The following ZNF589 variants were observed in gnomAD, a reference collection of about 807,000 sequenced individuals.
ZNF589 encodes zinc finger protein 589.
A neutral mutation model predicts 13.6 loss-of-function variants in ZNF589; 17 were observed. That is an observed-to-expected ratio of 1.25 (90% confidence interval 0.86 to 1.88). The LOEUF (loss-of-function observed/expected upper bound fraction) is 1.88, where lower values mean the gene tolerates loss of function less well. Among genes scored for constraint, ZNF589 ranks in the 40% most tolerant of loss-of-function variants. The probability of loss-of-function intolerance (pLI) is 0.00; values close to 1 mark genes in which losing one functional copy is unlikely to be tolerated. For synonymous variants in ZNF589, 148 were observed against 161.6 expected (o/e 0.92, Z 0.64); for missense variants, 407 against 434.0 (o/e 0.94, Z 0.55).
At chr3:48,242,905 AAAAAT>A (rs757965109) in intron 1 of ZNF589, among the ~76,000 whole-genome samples, 32 of 151,402 alleles carry the variant, frequency 2.1e-4, no homozygotes, top group Non-Finnish European at 3.8e-4. Context: ...TCTCTACTTT[AAAAAT>A]AAAATAAAAT....
chr3:48,252,517 G>C (rs9841553), intron 2 of ZNF589, among the ~76,000 whole-genome samples: 6,575 of 150,368 alleles, frequency 0.044, 484 homozygotes, highest in African/African-American at 0.15. Context: ...TATAAATATT[G>C]AAATCTATCA....
At chr3:48,257,254 GTTTTGTT>G (rs1450863353) in intron 2 of ZNF589, among the ~76,000 whole-genome samples, 2 of 139,092 alleles carry the variant, frequency 1.4e-5, no homozygotes, top group Admixed American at 6.9e-5. Flanking sequence ...TTTTGTTTTT[GTTTTGTT>G]TTTTGTTTTT....
rs1354380212 is a variant in ZNF589, at chr3:48,268,089, C to G, written c.398C>G (p.Ser133Cys). 2 of 1,614,094 alleles carry G rather than the reference C, an allele frequency of 1.2e-6. No homozygotes were observed. Among genetic ancestry groups the G allele is most frequent in the Non-Finnish European group, 1.7e-6 (2 of 1,180,058 alleles). Reference protein sequence around the residue: ...PEDQPQSQHPSDKNHRGAEAE... With the variant: ...PEDQPQSQHPCDKNHRGAEAE... Reference sequence around the variant, plus strand: ...GATCAGCCACAGTCACAACATCCTTCTGATAAAAATCACAGGGGGGCTGAA... The same window carrying G: ...GATCAGCCACAGTCACAACATCCTTGTGATAAAAATCACAGGGGGGCTGAA... Residue 133 changes from serine (S) to cysteine (C), a missense_variant, in exon 4 of 4, where the codon TCT becomes TGT. Ser to Cys is a moderately radical substitution (Grantham distance 112). Transcript: ENST00000354698.
intron 2 of ZNF589, among the ~76,000 whole-genome samples, chr3:48,251,441 T>A (rs991727870): frequency 4.6e-5 from 7 of 151,344 alleles, no homozygotes; most frequent in Non-Finnish European, 1.0e-4. Context: ...GTACCTGTAA[T>A]CCCAGCTACT....
At position 48,268,640 on chromosome 3, in the gene ZNF589, C is replaced by A. The variant is rs868389078; in HGVS notation, c.949C>A (p.Pro317Thr). 7.4e-6 allele frequency: 12 copies of A among 1,612,766 alleles called. No individual in the cohort carries two copies. In the South Asian group the frequency reaches 1.3e-4, roughly 18 times the overall value. Reference sequence around the variant, plus strand: ...TTGTGGGCGAGGCTTTAGCTGCAAGCCATACCTCATCAGACATCAGAGGAC... The same window carrying A: ...TTGTGGGCGAGGCTTTAGCTGCAAGACATACCTCATCAGACATCAGAGGAC... The part of the protein sequence containing the change: ...SHCGRGFSCK[P>T]YLIRHQRTHT... Residue 317 changes from proline (P) to threonine (T), a missense_variant, in exon 4 of 4, where the codon CCA becomes ACA. Transcript: ENST00000354698.
At chr3:48,247,757 G>T in intron 2 of ZNF589, 80 bp downstream of exon 2, 1 of 1,506,496 alleles carries the variant, frequency 6.6e-7, no homozygotes, top group Non-Finnish European at 9.2e-7. Flanking sequence ...TTCTTGGGAA[G>T]GGAGGAAGTG....
chr3:48,269,365 C>A lies in ZNF589; in HGVS notation c.*579C>A. ...ACTCCAAGGAAAAACCTTATGTGTG[C>A]AGCCAGTGTGGGCGAGGCTTTTGTG... On this transcript the variant is annotated 3_prime_UTR_variant, in exon 4 of 4. Transcript: ENST00000354698. 1 of 878,512 alleles carries A rather than the reference C, an allele frequency of 1.1e-6. No individual in the cohort carries two copies. The highest frequency in any genetic ancestry group is 1.7e-6 in the Non-Finnish European group (1 of 582,766). 54.4% of individuals were successfully genotyped at this position (878,512 alleles called of 1,614,324 possible). A position where few individuals can be genotyped will look rare whatever the true frequency, so the allele number is the denominator to read the frequency against.
intron 2 of ZNF589, among the ~76,000 whole-genome samples, chr3:48,255,526 G>A (rs1465420800): frequency 2.7e-5 from 3 of 110,408 alleles, no homozygotes; most frequent in South Asian, 2.9e-4. Context: ...ACAAAGTCTC[G>A]CTCTTTCTCC....
At position 48,268,635 on chromosome 3, in the gene ZNF589, G is replaced by A; in HGVS notation, c.944G>A (p.Cys315Tyr). ...AGCCATTGTGGGCGAGGCTTTAGCT[G>A]CAAGCCATACCTCATCAGACATCAG... is the stretch of plus-strand genomic sequence containing the variant. Reference protein sequence around the residue: ...VCSHCGRGFSCKPYLIRHQRT... With the variant: ...VCSHCGRGFSYKPYLIRHQRT... The change falls in exon 4 of 4, where the codon TGC becomes TAC. Residue 315 changes from cysteine to tyrosine, a missense_variant. Physicochemically the swap from Cys to Tyr is radical, Grantham distance 194. Transcript: ENST00000354698. 3 of 1,613,066 alleles carry A rather than the reference G, an allele frequency of 1.9e-6. No homozygotes were observed. The highest frequency in any genetic ancestry group is 2.5e-6 in the Non-Finnish European group (3 of 1,179,756).
Position 48,268,766 on chromosome 3 carries a change from C to A in ZNF589, c.1075C>A (p.Pro359Thr), listed in dbSNP as rs761140244. 4 of 1,613,328 alleles carry A rather than the reference C, an allele frequency of 2.5e-6. No individual in the cohort carries two copies. ...CCAGAGAATTCACACGGGGGATAAG[C>A]CTTATGTGTGCAGAGATTGAGGCCG... ...KHQRIHTGDKPYVCRD is the reference protein window; with the variant it reads ...KHQRIHTGDKTYVCRD The change falls in exon 4 of 4, where the codon CCT becomes ACT. Residue 359 changes from proline to threonine, a missense_variant. Transcript: ENST00000354698.
At chr3:48,265,271 CTTTTTTTTTTT>C (rs35060812) in intron 3 of ZNF589, among the ~76,000 whole-genome samples, 2 of 47,838 alleles carry the variant, frequency 4.2e-5, no homozygotes, top group East Asian at 5.8e-4. Flanking sequence ...TGTGCCCGGC[CTTTTTTTTTTT>C]TTTTTTTTTT....
rs752300068 is a variant in ZNF589 at position 48,268,457 on chromosome 3, G to A, written c.766G>A (p.Gly256Ser). 1 of 1,614,068 alleles carries A rather than the reference G, an allele frequency of 6.2e-7. No individual in the cohort carries two copies. Among genetic ancestry groups the A allele is most frequent in the African/African-American group, 1.3e-5 (1 of 74,918 alleles). ...QSQVCRECGR[G>S]FSRKSQLIIH... ...ACAGGTGTGCAGGGAGTGTGGGCGA[G>A]GCTTTAGCAGGAAGTCACAGCTCAT... Residue 256 changes from glycine (G) to serine (S), a missense_variant, in exon 4 of 4, where the codon GGC becomes AGC. Coordinates refer to ENST00000354698, the MANE Select transcript of ZNF589 (RefSeq NM_016089.3).
At chr3:48,250,306 C>CTTTTTTTTT (rs34016179) in intron 2 of ZNF589, among the ~76,000 whole-genome samples, 2 of 116,860 alleles carry the variant, frequency 1.7e-5, no homozygotes, top group Non-Finnish European at 1.8e-5. Flanking sequence ...TCTCTACTTT[C>CTTTTTTTTT]TTTTTTTTTT....
At chr3:48,248,195 C>G (rs529950043) in intron 2 of ZNF589, among the ~76,000 whole-genome samples, 50 of 152,140 alleles carry the variant, frequency 3.3e-4, no homozygotes, top group Non-Finnish European at 5.6e-4. Context: ...TCCAAGGCAT[C>G]ATACCATTTA....
At chr3:48,261,858 A>G (rs2033971657) in intron 3 of ZNF589, among the ~76,000 whole-genome samples, 2 of 152,318 alleles carry the variant, frequency 1.3e-5, no homozygotes, top group East Asian at 3.9e-4. Context: ...AGGTTCATCC[A>G]TTTAAGTTAG....
At chr3:48,257,408 T>C (rs113806001) in intron 2 of ZNF589, among the ~76,000 whole-genome samples, 6,907 of 152,024 alleles carry the variant, frequency 0.045, 527 homozygotes, top group African/African-American at 0.15. Flanking sequence ...TACAGGCGTG[T>C]GCCACCACAC....
At chr3:48,255,395 C>G (rs1265931412) in intron 2 of ZNF589, among the ~76,000 whole-genome samples, 1 of 151,082 alleles carries the variant, frequency 6.6e-6, no homozygotes, top group East Asian at 1.9e-4. Context: ...AGGCTGGTCT[C>G]AAGCTCCTGA....
intron 1 of ZNF589, among the ~76,000 whole-genome samples, chr3:48,244,908 G>A (rs1017822571): frequency 2.6e-5 from 4 of 151,376 alleles, no homozygotes; most frequent in Non-Finnish European, 5.9e-5. Context: ...TCCGCCTCCC[G>A]GGTTCAAGTG....
chr3:48,269,162 C>G lies in ZNF589; in HGVS notation c.*376C>G, dbSNP rs2034060447. 2 of 922,690 alleles carry G rather than the reference C, an allele frequency of 2.2e-6. No individual in the cohort carries two copies. Among genetic ancestry groups the G allele is most frequent in the Non-Finnish European group, 1.7e-6 (1 of 601,346 alleles). 57.2% of individuals were successfully genotyped at this position (922,690 alleles called of 1,614,324 possible). A position where few individuals can be genotyped will look rare whatever the true frequency, so the allele number is the denominator to read the frequency against. On this transcript the variant is annotated 3_prime_UTR_variant, in exon 4 of 4. Coordinates refer to ENST00000354698, the MANE Select transcript of ZNF589 (RefSeq NM_016089.3). The stretch of plus-strand genomic sequence containing the variant: ...CCTCAAGTCCGCTCTTAGTGTACAT[C>G]AGAGGATACACTCTGGGGAGAAGCC...
Sources: gnomAD v4.1 joint callset for allele counts (sites outside exome capture counted in the v4.1 genomes callset) on GRCh38, gnomAD v4.1.1 for gene constraint, MANE v1.5 for transcripts, NCBI Gene and HGNC (gene_info 2026-07-23, HGNC 2026-07-21) for gene names.